TMEM117: variants seen among roughly 807,000 people sequenced by gnomAD.
The protein encoded by TMEM117 is transmembrane protein 117.
TMEM117 carries 27 observed loss-of-function variants against 52.4 expected under a neutral mutation model. The observed-to-expected ratio is 0.51, with a 90% CI of 0.38 to 0.71. The LOEUF (loss-of-function observed/expected upper bound fraction) is 0.71, where lower values mean the gene tolerates loss of function less well. Ranked by LOEUF, TMEM117 falls within the 30% of genes least tolerant of loss-of-function variation. The pLI is 0.00. For missense variants in TMEM117, 556 were observed against 630.5 expected (o/e 0.88, Z 1.26); for synonymous variants, 215 against 206.3 (o/e 1.04, Z -0.36).
At chr12:44,114,492 G>A (rs1948100440) in intron 3 of TMEM117, among the ~76,000 whole-genome samples, 1 of 152,174 alleles carries the variant, frequency 6.6e-6, no homozygotes, top group South Asian at 2.1e-4. Flanking sequence ...ACCTTTTTCT[G>A]TATAGCTCTG....
intron 3 of TMEM117, among the ~76,000 whole-genome samples, chr12:43,984,055 T>C (rs761048724): frequency 6.6e-6 from 1 of 152,018 alleles, no homozygotes; most frequent in Non-Finnish European, 1.5e-5. Flanking sequence ...ACCAGAATGG[T>C]CAGAACCAGA....
chr12:44,397,806 A>G, the TMEM117 span, among the ~76,000 whole-genome samples: 5 of 152,164 alleles, frequency 3.3e-5, no homozygotes, highest in African/African-American at 1.2e-4. Flanking sequence ...ACCTAGCCCT[A>G]AGCAAATCAA....
Position 44,251,945 on chromosome 12 carries a change from C to T in TMEM117, c.608+40558C>T, listed in dbSNP as rs373267010. On this transcript the variant is annotated intron_variant, in intron 5 of 7. Coordinates refer to ENST00000266534, the MANE Select transcript of TMEM117 (RefSeq NM_032256.3). Reference sequence around the variant, plus strand: ...CCACCCCTCCTTCACTACTCCCTTACTGCAGATTCCTTACTTACAGGCGAA... The same window carrying T: ...CCACCCCTCCTTCACTACTCCCTTATTGCAGATTCCTTACTTACAGGCGAA... Among the ~76,000 whole-genome samples, 8 of 152,260 alleles carry T rather than the reference C, an allele frequency of 5.3e-5. No homozygotes were observed. The South Asian group carries it at 1.7e-3, about 32-fold the overall frequency.
intron 4 of TMEM117, among the ~76,000 whole-genome samples, chr12:44,172,813 CT>C (rs1395270933): frequency 6.6e-6 from 1 of 152,156 alleles, no homozygotes; most frequent in African/African-American, 2.4e-5. Flanking sequence ...CAACCTCTGT[CT>C]CCTGGGTTCA....
At chr12:44,258,181 T>A (rs1950281127) in intron 5 of TMEM117, among the ~76,000 whole-genome samples, 1 of 152,144 alleles carries the variant, frequency 6.6e-6, no homozygotes, top group South Asian at 2.1e-4. Context: ...ATGCATTTTT[T>A]ATGTAATTTT....
At chr12:44,371,548 G>T (rs1951864061) in intron 6 of TMEM117, among the ~76,000 whole-genome samples, 1 of 151,988 alleles carries the variant, frequency 6.6e-6, no homozygotes, top group South Asian at 2.1e-4. Flanking sequence ...CTTTAGTTTC[G>T]CAGGGTAGGG....
chr12:44,181,747 G>T (rs1476417775), intron 4 of TMEM117, among the ~76,000 whole-genome samples: 1 of 150,368 alleles, frequency 6.7e-6, no homozygotes, highest in African/African-American at 2.4e-5. Flanking sequence ...TGCTGTTTTG[G>T]TTACTGTAGC....
At chr12:44,336,114 C>T (rs1325039387) in intron 6 of TMEM117, among the ~76,000 whole-genome samples, 1 of 151,968 alleles carries the variant, frequency 6.6e-6, no homozygotes, top group Non-Finnish European at 1.5e-5. Context: ...TAATTTGTTG[C>T]AGAATGTTTT....
At chr12:44,325,664 A>G (rs957922415) in intron 6 of TMEM117, among the ~76,000 whole-genome samples, 12 of 152,102 alleles carry the variant, frequency 7.9e-5, no homozygotes, top group Non-Finnish European at 1.5e-4. Context: ...TATATGTTAC[A>G]CATATTTGTT....
intron 4 of TMEM117, among the ~76,000 whole-genome samples, chr12:44,168,485 ATCT>A (rs140341378): frequency 0.077 from 11,767 of 152,136 alleles, 1,363 homozygotes; most frequent in African/African-American, 0.26. Flanking sequence ...TTTTATTAAA[ATCT>A]TCTTAATGGC....
At chr12:43,924,695 A>G (rs56105344) in intron 2 of TMEM117, among the ~76,000 whole-genome samples, 1 of 152,110 alleles carries the variant, frequency 6.6e-6, no homozygotes, top group African/African-American at 2.4e-5. Context: ...CATTTTTAGC[A>G]TGTTATTTCC....
At chr12:44,241,126 G>A (rs979058745) in intron 5 of TMEM117, among the ~76,000 whole-genome samples, 5 of 151,920 alleles carry the variant, frequency 3.3e-5, no homozygotes, top group African/African-American at 1.2e-4. Flanking sequence ...ATCATCTCTA[G>A]ATTATGTATA....
intron 6 of TMEM117, among the ~76,000 whole-genome samples, chr12:44,364,830 A>C (rs1444315658): frequency 6.6e-6 from 1 of 152,118 alleles, no homozygotes; most frequent in African/African-American, 2.4e-5. Context: ...AATGATATGC[A>C]CAGCCGCAGT....
At position 44,311,989 on chromosome 12, in the gene TMEM117, G is replaced by T. The variant is rs1475879838; in HGVS notation, c.768+12250G>T. 2.0e-5 allele frequency among the ~76,000 whole-genome samples: 3 copies of T among 150,708 alleles called. No individual in the cohort carries two copies. The South Asian group carries it at 6.3e-4, about 31-fold the overall frequency. On this transcript the variant is annotated intron_variant, in intron 6 of 7. Transcript: ENST00000266534. ...GGTCAATCCTCCTCTTTACATGCCA[G>T]ATGGGTTTCTGGGCAAGAGCCAGGG...
At chr12:44,080,347 G>A (rs1467241290) in intron 3 of TMEM117, among the ~76,000 whole-genome samples, 1 of 152,082 alleles carries the variant, frequency 6.6e-6, no homozygotes. Context: ...TGGGGGAAAA[G>A]AACCTTATAA....
intron 3 of TMEM117, among the ~76,000 whole-genome samples, chr12:44,052,638 C>T (rs1161097367): frequency 2.0e-5 from 3 of 152,154 alleles, no homozygotes; most frequent in Non-Finnish European, 2.9e-5. Context: ...TACCCTGTCT[C>T]AAGGACCCTC....
chr12:43,865,934 A>G (rs1478897534), intron 2 of TMEM117, among the ~76,000 whole-genome samples: 1 of 151,884 alleles, frequency 6.6e-6, no homozygotes, highest in Non-Finnish European at 1.5e-5. Context: ...AGTCCAGTTT[A>G]AAATTAAAGT....
intron 2 of TMEM117, among the ~76,000 whole-genome samples, chr12:43,872,976 T>C (rs1442807024): frequency 6.6e-6 from 1 of 152,140 alleles, no homozygotes; most frequent in Non-Finnish European, 1.5e-5. Context: ...TAAGTCAGAC[T>C]CTAAAATGTA....
chr12:43,967,800 T>C (rs1278047703), intron 3 of TMEM117, among the ~76,000 whole-genome samples: 1 of 152,244 alleles, frequency 6.6e-6, no homozygotes, highest in Non-Finnish European at 1.5e-5. Flanking sequence ...TTGGTGATAA[T>C]TTATTCCCTA....
Sources: allele counts gnomAD v4.1 joint callset (sites outside exome capture counted in the v4.1 genomes callset), GRCh38; gene constraint gnomAD v4.1.1; transcripts MANE v1.5; gene names NCBI Gene and HGNC (gene_info 2026-07-23, HGNC 2026-07-21).